Variants in UNC5C observed in about 807,000 individuals in gnomAD.
UNC5C encodes netrin receptor UNC5C.
In UNC5C, 47 loss-of-function variants were observed where a neutral mutation model predicts 99.8. The observed-to-expected ratio is 0.47, with a 90% CI of 0.37 to 0.60. The LOEUF (loss-of-function observed/expected upper bound fraction) is 0.60. Among genes scored for constraint, UNC5C ranks in the 20% least tolerant of loss-of-function variants. UNC5C has a pLI of 0.00. For missense variants in UNC5C, 1,062 were observed against 1,165.9 expected, an observed-to-expected ratio of 0.91 and a Z score of 1.30; for synonymous variants, 487 against 452.2, an observed-to-expected ratio of 1.08 and a Z score of -0.98.
intron 1 of UNC5C, among the ~76,000 whole-genome samples, chr4:95,392,597 T>A (rs531054809): frequency 7.9e-5 from 12 of 152,082 alleles, no homozygotes; most frequent in Middle Eastern, 3.4e-3. Context: ...CAGGCCCAGA[T>A]AAGTTTTTAA....
intron 1 of UNC5C, among the ~76,000 whole-genome samples, chr4:95,486,505 A>G (rs1472016688): frequency 6.6e-6 from 1 of 151,678 alleles, no homozygotes; most frequent in Non-Finnish European, 1.5e-5. Flanking sequence ...TTTCCCAAGT[A>G]TATGGTGTCC....
intron 1 of UNC5C, among the ~76,000 whole-genome samples, chr4:95,448,217 T>TGA (rs1254346732): frequency 2.3e-5 from 2 of 88,446 alleles, no homozygotes; most frequent in African/African-American, 7.7e-5. Context: ...TGTGTGTGTG[T>TGA]GTGTGTGTGT....
At chr4:95,490,718 A>G (rs1480716131) in intron 1 of UNC5C, among the ~76,000 whole-genome samples, 4 of 151,834 alleles carry the variant, frequency 2.6e-5, no homozygotes, top group Non-Finnish European at 5.9e-5. Flanking sequence ...TTAAGGGAAC[A>G]TCTAAAGATA....
intron 12 of UNC5C, among the ~76,000 whole-genome samples, chr4:95,191,109 T>C (rs1245173286): frequency 2.0e-5 from 3 of 152,132 alleles, no homozygotes; most frequent in Non-Finnish European, 4.4e-5. Context: ...CTCCCCTCGT[T>C]AAGGCTTGAC....
chr4:95,280,687 T>TCAACAACAACAACAACAACAA (rs58348747), intron 3 of UNC5C, among the ~76,000 whole-genome samples: 67 of 150,998 alleles, frequency 4.4e-4, no homozygotes, highest in Non-Finnish European at 6.3e-4. Context: ...AGACCCCATC[T>TCAACAACAACAACAACAACAA]CAACAACAAC....
chr4:95,203,120 T>G (rs560206241), intron 11 of UNC5C, among the ~76,000 whole-genome samples, 156 bp from the exon 12 acceptor site: 2 of 152,224 alleles, frequency 1.3e-5, no homozygotes, highest in Non-Finnish European at 2.9e-5. Flanking sequence ...TTCATCATTC[T>G]GTCTCTTTCT....
At position 95,191,975 on chromosome 4, in the gene UNC5C, C is replaced by A. The variant is rs116325990; in HGVS notation, c.2137-6779G>T. Among the ~76,000 whole-genome samples, 727 of 135,284 alleles carry A rather than the reference C, an allele frequency of 5.4e-3. 9 individuals carry two copies. The highest frequency in any genetic ancestry group is 0.019 in the African/African-American group (686 of 35,690). The allele number at this position is 135,284 out of a possible 152,430, so 88.8% of individuals were successfully genotyped here. ...GCTCACCTTCCTCCCCTGCTCACCT[C>A]CTCCCCTCCCCCCTGCTAATCCTCC... On this transcript the variant is annotated intron_variant, in intron 12 of 15. Transcript: ENST00000453304.
In UNC5C at chr4:95,424,518, CTTTTTT is replaced by C. The variant is rs536039867; in HGVS notation, c.125-88893_125-88888del. Among the ~76,000 whole-genome samples the C allele has an allele frequency of 2.8e-3, 191 of 67,968 alleles. 2 individuals carry two copies. The highest frequency in any genetic ancestry group is 0.011 in the African/African-American group (184 of 16,836). 44.6% of individuals were successfully genotyped at this position (67,968 alleles called of 152,430 possible). ...GGCTTCAGAATTTTTTTTTTCTTTTCTTTTTTTTTTTTTTTTTTTTTGAGACAGCTT... is the reference window on the plus strand; with the variant it reads ...GGCTTCAGAATTTTTTTTTTCTTTTCTTTTTTTTTTTTTTTGAGACAGCTT... On this transcript the variant is annotated intron_variant, in intron 1 of 15. Transcript: ENST00000453304.
intron 1 of UNC5C, among the ~76,000 whole-genome samples, chr4:95,386,082 A>C (rs1460468344): frequency 6.6e-6 from 1 of 152,146 alleles, no homozygotes; most frequent in Non-Finnish European, 1.5e-5. Context: ...ACTTCTGACC[A>C]GCCATTGTAA....
chr4:95,187,590 CAG>C (rs3839113), intron 12 of UNC5C, among the ~76,000 whole-genome samples: 9,386 of 152,218 alleles, frequency 0.062, 787 homozygotes, highest in African/African-American at 0.19. Flanking sequence ...ATTTTGAGTG[CAG>C]AGTCTTCATG....
intron 1 of UNC5C, among the ~76,000 whole-genome samples, chr4:95,354,825 C>A (rs1334482611): frequency 2.0e-5 from 3 of 151,978 alleles, no homozygotes; most frequent in Admixed American, 2.0e-4. Flanking sequence ...TGACTCTCTT[C>A]ACCTGTGCCA....
At position 95,276,291 on chromosome 4, in the gene UNC5C, A is replaced by G. The variant is rs1351173040; in HGVS notation, c.594+1968T>C. Reference sequence around the variant, plus strand: ...TCTCTTCTGACTTTAAAAAATGAAAAAGAAATGCATATTAAATATAGTTCT... The same window carrying G: ...TCTCTTCTGACTTTAAAAAATGAAAGAGAAATGCATATTAAATATAGTTCT... On this transcript the variant is annotated intron_variant, in intron 4 of 15. Coordinates refer to ENST00000453304, the MANE Select transcript of UNC5C (RefSeq NM_003728.4). Among the ~76,000 whole-genome samples, 4 of 152,320 alleles carry G rather than the reference A, an allele frequency of 2.6e-5. No homozygotes were observed. In the East Asian group the frequency reaches 7.7e-4, roughly 29 times the overall value.
At chr4:95,440,541 CTACT>C (rs1746918779) in intron 1 of UNC5C, among the ~76,000 whole-genome samples, 1 of 152,116 alleles carries the variant, frequency 6.6e-6, no homozygotes, top group African/African-American at 2.4e-5. Flanking sequence ...GTAGAAGACT[CTACT>C]TACTTCTTTC....
chr4:95,434,644 G>C (rs1746724475), intron 1 of UNC5C, among the ~76,000 whole-genome samples: 1 of 152,080 alleles, frequency 6.6e-6, no homozygotes, highest in African/African-American at 2.4e-5. Context: ...TGGAGAAAGA[G>C]AGCTAGTAAT....
chr4:95,516,865 T>C (rs973694621), intron 1 of UNC5C, among the ~76,000 whole-genome samples: 1 of 152,088 alleles, frequency 6.6e-6, no homozygotes, highest in African/African-American at 2.4e-5. Context: ...CTAAAGGACC[T>C]ACAGCGAGTG....
intron 1 of UNC5C, among the ~76,000 whole-genome samples, chr4:95,356,213 C>CAAAAAAAAAAAAAAAA (rs869165569): frequency 1.3e-5 from 1 of 78,154 alleles, no homozygotes; most frequent in Admixed American, 1.4e-4. Flanking sequence ...AAAAAAAAAA[C>CAAAAAAAAAAAAAAAA]AAAACAAAAA....
At chr4:95,411,625 C>T (rs895177311) in intron 1 of UNC5C, among the ~76,000 whole-genome samples, 4 of 152,218 alleles carry the variant, frequency 2.6e-5, no homozygotes, top group Non-Finnish European at 4.4e-5. Context: ...AATTCACATA[C>T]TGCAGTACAA....
At chr4:95,513,644 GACAT>G (rs1290552255) in intron 1 of UNC5C, among the ~76,000 whole-genome samples, 1 of 151,968 alleles carries the variant, frequency 6.6e-6, no homozygotes, top group African/African-American at 2.4e-5. Flanking sequence ...TGAATATATA[GACAT>G]ACATAGATAG....
chr4:95,476,567 A>G (rs1364284504), intron 1 of UNC5C, among the ~76,000 whole-genome samples: 2 of 152,082 alleles, frequency 1.3e-5, no homozygotes, highest in Non-Finnish European at 2.9e-5. Flanking sequence ...CCTTTGCTAA[A>G]TTTAAAAACA....
Sources: gnomAD v4.1 joint callset for allele counts (sites outside exome capture counted in the v4.1 genomes callset) on GRCh38, gnomAD v4.1.1 for gene constraint, MANE v1.5 for transcripts, NCBI Gene and HGNC (gene_info 2026-07-23, HGNC 2026-07-21) for gene names.